PLXNA2: variants seen among roughly 807,000 people sequenced by gnomAD.
The protein encoded by PLXNA2 is plexin-A2.
Under a neutral mutation model 193.5 loss-of-function variants are expected in PLXNA2, and 91 were observed. The observed-to-expected ratio is 0.47, with a 90% CI of 0.40 to 0.56. The LOEUF is 0.56. Ranked by LOEUF, PLXNA2 falls within the 20% of genes least tolerant of loss-of-function variation. The pLI, the probability that PLXNA2 is intolerant of heterozygous loss-of-function variation, is 0.00. For missense variants in PLXNA2, 1,995 were observed against 2,503.2 expected (o/e 0.80, Z 4.33); for synonymous variants, 997 against 1,027.3 (o/e 0.97, Z 0.56).
At position 208,121,737 on chromosome 1, in the gene PLXNA2, C is replaced by A. The variant is rs185098209; in HGVS notation, c.1507-18490G>T. On this transcript the variant is annotated intron_variant, in intron 4 of 31. Transcript: ENST00000367033. ...ATAGCAGCATGAGAACAGACTAATA[C>A]AAATATCATGAATGGTAGCCCCTGA... is the stretch of plus-strand genomic sequence containing the variant. 2.0e-5 allele frequency among the ~76,000 whole-genome samples: 3 copies of A among 152,252 alleles called. No homozygotes were observed. The East Asian group carries it at 5.8e-4, about 29-fold the overall frequency.
chr1:208,221,383 T>C (rs1671330315), intron 1 of PLXNA2, among the ~76,000 whole-genome samples: 1 of 20,788 alleles, frequency 4.8e-5, no homozygotes. Flanking sequence ...CTTTTTCTGT[T>C]TTTTTTTTTT....
intron 9 of PLXNA2, among the ~76,000 whole-genome samples, chr1:208,087,453 G>C (rs17259248): frequency 6.6e-6 from 1 of 150,810 alleles, no homozygotes; most frequent in Admixed American, 6.6e-5. Flanking sequence ...ATGGTCTGCT[G>C]TTTCAGACTT....
chr1:208,096,028 C>G lies in PLXNA2; in HGVS notation c.1982+1G>C. 1 of 1,609,764 alleles carries G rather than the reference C, an allele frequency of 6.2e-7. No homozygotes were observed. The highest frequency in any genetic ancestry group is 8.5e-7 in the Non-Finnish European group (1 of 1,176,088). On this transcript the variant is annotated splice_donor_variant, in intron 8 of 31. Transcript: ENST00000367033. LOFTEE classifies it high-confidence loss of function. ...CAAGACCCTTTCTAATAAGCACTTA[C>G]AGTTGGTGGGCACTGCAGTTGTAAA...
intron 1 of PLXNA2, 187 bp from the exon 2 acceptor site, chr1:208,218,189 G>T: frequency 1.7e-6 from 1 of 589,340 alleles, no homozygotes; most frequent in East Asian, 2.9e-5. Flanking sequence ...TATCTATTTT[G>T]GTCTCTAGCC....
rs139296007 is a variant in PLXNA2, at chr1:208,177,259, G to A, written c.1371+33021C>T. Among the ~76,000 whole-genome samples the A allele has an allele frequency of 3.5e-3, 530 of 152,150 alleles. 2 individuals carry two copies. The highest frequency in any genetic ancestry group is 8.5e-3 in the Admixed American group (130 of 15,282). ...GTATTTTTCCTACCTGATGCATTCA[G>A]AGTCCAGCATAGTGCCTATCTCAAA... On this transcript the variant is annotated intron_variant, in intron 3 of 31. Transcript: ENST00000367033.
intron 9 of PLXNA2, among the ~76,000 whole-genome samples, chr1:208,091,383 C>T (rs1356649426): frequency 6.6e-6 from 1 of 152,170 alleles, no homozygotes; most frequent in Admixed American, 6.5e-5. Flanking sequence ...CACAAGACTC[C>T]ATTACTTGAA....
chr1:208,242,749 CT>C (rs1200295323), intron 1 of PLXNA2, among the ~76,000 whole-genome samples: 2 of 152,058 alleles, frequency 1.3e-5, no homozygotes, highest in Non-Finnish European at 2.9e-5. Flanking sequence ...AACAGGTGGA[CT>C]TTTTTCGGGG....
At chr1:208,081,926 C>T (rs1666355563) in intron 11 of PLXNA2, among the ~76,000 whole-genome samples, 1 of 152,120 alleles carries the variant, frequency 6.6e-6, no homozygotes, top group Admixed American at 6.5e-5. Context: ...CAGCCAGATC[C>T]CCTTCCTGAA....
intron 31 of PLXNA2, among the ~76,000 whole-genome samples, chr1:208,027,568 G>T (rs532918685): frequency 2.0e-5 from 3 of 152,262 alleles, no homozygotes; most frequent in African/African-American, 7.2e-5. Context: ...CTATGCAAGT[G>T]TTAATTATTG....
intron 4 of PLXNA2, among the ~76,000 whole-genome samples, chr1:208,114,050 T>C (rs951951230): frequency 3.3e-5 from 5 of 152,150 alleles, no homozygotes; most frequent in South Asian, 2.1e-4. Flanking sequence ...TCAGAATTTA[T>C]GTTTGGGAGA....
At chr1:208,057,033 T>C (rs1325346501) in intron 13 of PLXNA2, among the ~76,000 whole-genome samples, 2 of 152,040 alleles carry the variant, frequency 1.3e-5, no homozygotes, top group Non-Finnish European at 2.9e-5. Context: ...TTCAGGAAGA[T>C]AGGGAGTTAA....
At chr1:208,179,961 G>C (rs1455693289) in intron 3 of PLXNA2, among the ~76,000 whole-genome samples, 2 of 152,026 alleles carry the variant, frequency 1.3e-5, no homozygotes, top group Admixed American at 6.6e-5. Context: ...GCATTTTCTA[G>C]GAGGATCAAA....
chr1:208,185,608 G>A (rs1052278364), intron 3 of PLXNA2, among the ~76,000 whole-genome samples: 2 of 135,778 alleles, frequency 1.5e-5, no homozygotes, highest in Admixed American at 8.3e-5. Flanking sequence ...TTCAGCCCTC[G>A]CCAGCCCCCA....
Position 208,084,451 on chromosome 1 carries a change from T to C in PLXNA2, c.2227A>G (p.Ile743Val), listed in dbSNP as rs932352196. 1.9e-6 allele frequency: 3 copies of C among 1,614,140 alleles called. No homozygotes were observed. Among genetic ancestry groups the C allele is most frequent in the Non-Finnish European group, 2.5e-6 (3 of 1,180,058 alleles). ...GQRGYECVLN[I>V]QGAIHRVPAL... ...GGGACCCGGTGGATGGCTCCTTGTATGTTGAGGACACACTCATAGCCTCGC... is the reference window on the plus strand; with the variant it reads ...GGGACCCGGTGGATGGCTCCTTGTACGTTGAGGACACACTCATAGCCTCGC... Residue 743 changes from isoleucine to valine, a missense_variant, in exon 10 of 32, where the codon ATA (isoleucine) becomes GTA (valine). Coordinates refer to ENST00000367033, the MANE Select transcript of PLXNA2 (RefSeq NM_025179.4).
intron 12 of PLXNA2, among the ~76,000 whole-genome samples, chr1:208,076,381 C>T (rs1666149624): frequency 6.6e-6 from 1 of 152,062 alleles, no homozygotes; most frequent in Non-Finnish European, 1.5e-5. Flanking sequence ...CAGCTGTCCC[C>T]CCATTATTTA....
intron 29 of PLXNA2, chr1:208,029,316 G>T: frequency 7.9e-7 from 1 of 1,258,050 alleles, no homozygotes; most frequent in Non-Finnish European, 1.0e-6. Flanking sequence ...TCCCTTCTGG[G>T]AGACTTTTCT....
At chr1:208,139,348 C>A (rs1668400666) in intron 4 of PLXNA2, among the ~76,000 whole-genome samples, 2 of 152,154 alleles carry the variant, frequency 1.3e-5, no homozygotes, top group Non-Finnish European at 2.9e-5. Context: ...CTGAGGATGA[C>A]TGGGTGTGTC....
chr1:208,138,173 C>T (rs1668357632), intron 4 of PLXNA2, among the ~76,000 whole-genome samples: 1 of 152,162 alleles, frequency 6.6e-6, no homozygotes, highest in African/African-American at 2.4e-5. Context: ...TTTTACTTTA[C>T]AGTGGTGTGA....
intron 4 of PLXNA2, among the ~76,000 whole-genome samples, chr1:208,121,132 C>T (rs11576425): frequency 6.6e-6 from 1 of 152,088 alleles, no homozygotes; most frequent in South Asian, 2.1e-4. Context: ...TCTCTGTAAA[C>T]CAATGCTGCT....
Sources: allele counts gnomAD v4.1 joint callset (sites outside exome capture counted in the v4.1 genomes callset), GRCh38; gene constraint gnomAD v4.1.1; transcripts MANE v1.5; gene names NCBI Gene and HGNC (gene_info 2026-07-23, HGNC 2026-07-21).